The following MYO16 variants were observed in gnomAD, a reference collection of about 807,000 sequenced individuals.
The protein encoded by MYO16 is unconventional myosin-XVI.
A neutral mutation model predicts 205.3 loss-of-function variants in MYO16; 94 were observed. That is an observed-to-expected ratio of 0.46 (90% CI 0.39 to 0.54). The LOEUF is 0.54. MYO16 is among the 20% of genes least tolerant of loss of function. The pLI, the probability that MYO16 is intolerant of heterozygous loss-of-function variation, is 0.00. For synonymous variants in MYO16, 988 were observed against 954.0 expected (o/e 1.04, Z -0.66); for missense variants, 2,315 against 2,387.5 (o/e 0.97, Z 0.63).
chr13:109,193,747 A>C (rs944846532), intron 34 of MYO16, among the ~76,000 whole-genome samples: 5 of 152,016 alleles, frequency 3.3e-5, no homozygotes, highest in Admixed American at 3.3e-4. Context: ...CCTCACCTTT[A>C]TTCCTAGGCC....
intron 20 of MYO16, among the ~76,000 whole-genome samples, chr13:108,990,004 G>A (rs1884773692): frequency 6.6e-6 from 1 of 152,018 alleles, no homozygotes; most frequent in Admixed American, 6.6e-5. Context: ...TGAAACTCCA[G>A]TTCAAAATAT....
At chr13:108,536,750 A>T in the MYO16 span, among the ~76,000 whole-genome samples, 75 of 152,294 alleles carry the variant, frequency 4.9e-4, no homozygotes, top group African/African-American at 1.7e-3. Context: ...TGTGTGAGAA[A>T]TAAGATATGT....
intron 9 of MYO16, among the ~76,000 whole-genome samples, chr13:108,843,236 A>G (rs1566364195): frequency 6.6e-6 from 1 of 152,048 alleles, no homozygotes; most frequent in Non-Finnish European, 1.5e-5. Flanking sequence ...CACATTATAC[A>G]CCTTAAATAT....
At chr13:108,892,649 G>A (rs1421236811) in intron 14 of MYO16, among the ~76,000 whole-genome samples, 2 of 152,164 alleles carry the variant, frequency 1.3e-5, no homozygotes, top group South Asian at 2.1e-4. Flanking sequence ...GTTAGAGTAC[G>A]TGTAAAACAA....
chr13:108,616,060 T>C (rs894017123), intron 1 of MYO16, among the ~76,000 whole-genome samples: 1 of 152,216 alleles, frequency 6.6e-6, no homozygotes, highest in Non-Finnish European at 1.5e-5. Flanking sequence ...TATGTTTACA[T>C]GTGGCTGATG....
At chr13:108,495,857 T>C in the MYO16 span, among the ~76,000 whole-genome samples, 150,559 of 151,914 alleles carry the variant, frequency 0.99, 74,618 homozygotes, top group Middle Eastern at 1. Context: ...CGGGGCTGGT[T>C]TCCGAGCCGA....
intron 11 of MYO16, among the ~76,000 whole-genome samples, chr13:108,858,329 G>T (rs1453506032): frequency 6.6e-6 from 1 of 152,160 alleles, no homozygotes; most frequent in Non-Finnish European, 1.5e-5. Context: ...CTAAAAACAA[G>T]TGATCCTTCC....
intron 4 of MYO16, among the ~76,000 whole-genome samples, chr13:108,735,909 G>T (rs567123225): frequency 1.2e-4 from 19 of 152,216 alleles, no homozygotes; most frequent in African/African-American, 2.9e-4. Flanking sequence ...ATGAGCATTT[G>T]TTCATGTGTC....
the MYO16 span, among the ~76,000 whole-genome samples, chr13:108,550,240 G>C: frequency 3.9e-5 from 6 of 152,258 alleles, no homozygotes; most frequent in Non-Finnish European, 8.8e-5. Flanking sequence ...TCAGCCATTT[G>C]GCAGCTGAGC....
intron 34 of MYO16, among the ~76,000 whole-genome samples, chr13:109,180,095 T>C (rs1388579398): frequency 6.6e-6 from 1 of 152,148 alleles, no homozygotes; most frequent in Admixed American, 6.5e-5. Flanking sequence ...TTCACATTCA[T>C]TTAAAATATG....
chr13:108,942,912 C>G (rs926357824), intron 16 of MYO16, among the ~76,000 whole-genome samples: 1 of 152,184 alleles, frequency 6.6e-6, no homozygotes, highest in African/African-American at 2.4e-5. Context: ...CAGCCATTAC[C>G]TCTATTCTGG....
At chr13:108,948,508 G>A (rs1054006506) in intron 16 of MYO16, among the ~76,000 whole-genome samples, 4 of 152,188 alleles carry the variant, frequency 2.6e-5, no homozygotes, top group Admixed American at 2.0e-4. Context: ...TGATCTCTGC[G>A]CCTGCTGAGT....
rs747128882 is a variant in MYO16 at position 108,793,543 on chromosome 13, T to C, written c.644T>C (p.Met215Thr). ...NGVDLTSLRQ[M>T]KLQRPMSMLT... ...GTGGATTTGACCTCACTGCGCCAGA[T>C]GAAGCTTCAGAGACCAATGAGTATG... Residue 215 changes from methionine (M) to threonine (T), a missense_variant, in exon 6 of 35, where the codon ATG becomes ACG. Transcript: ENST00000457511. The C allele has an allele frequency of 1.2e-6, 2 of 1,613,950 alleles. No homozygotes were observed. The highest frequency in any genetic ancestry group is 1.1e-5 in the South Asian group (1 of 91,068).
chr13:108,614,640 G>T (rs905531635), intron 1 of MYO16, among the ~76,000 whole-genome samples: 1 of 152,120 alleles, frequency 6.6e-6, no homozygotes, highest in Admixed American at 6.6e-5. Flanking sequence ...AAATCAATGA[G>T]ATATAATTAA....
At chr13:109,164,756 G>C (rs1238922671) in intron 32 of MYO16, 145 bp from the exon 33 acceptor site, 1 of 486,670 alleles carries the variant, frequency 2.1e-6, no homozygotes, top group Non-Finnish European at 3.3e-6. Flanking sequence ...ATATTATATA[G>C]GCTACAAATT....
chr13:108,817,262 G>A (rs1034868597), intron 7 of MYO16, among the ~76,000 whole-genome samples: 1 of 152,148 alleles, frequency 6.6e-6, no homozygotes, highest in Non-Finnish European at 1.5e-5. Context: ...TATTCAAAGA[G>A]CCAGAAACAA....
Position 108,882,279 on chromosome 13 carries a change from T to G in MYO16, c.1426-780T>G, listed in dbSNP as rs182055154. 4.3e-4 allele frequency among the ~76,000 whole-genome samples: 65 copies of G among 152,304 alleles called. 1 individual carries two copies. In the East Asian group the frequency reaches 6.6e-3, roughly 15 times the overall value. On this transcript the variant is annotated intron_variant, in intron 12 of 34. Coordinates refer to ENST00000457511, the MANE Select transcript of MYO16 (RefSeq NM_001198950.3). ...AGAGACCTCGTTCAGGATTTCCCAT[T>G]GTCTCAGTAATGCCCATAGAGCTAG...
chr13:108,544,051 G>A, the MYO16 span, among the ~76,000 whole-genome samples: 2 of 138,444 alleles, frequency 1.4e-5, no homozygotes, highest in Non-Finnish European at 3.1e-5. Context: ...GGCAACAAGA[G>A]GGAAACTCCG....
the MYO16 span, among the ~76,000 whole-genome samples, chr13:108,559,077 G>A: frequency 6.6e-6 from 1 of 151,586 alleles, no homozygotes; most frequent in Non-Finnish European, 1.5e-5. Flanking sequence ...AGTCCTAACC[G>A]CTGTACCTGT....
Sources: allele counts gnomAD v4.1 joint callset (sites outside exome capture counted in the v4.1 genomes callset), GRCh38; gene constraint gnomAD v4.1.1; transcripts MANE v1.5; gene names NCBI Gene and HGNC (gene_info 2026-07-23, HGNC 2026-07-21).